PIGZ: variants seen among roughly 807,000 people sequenced by gnomAD.
PIGZ encodes phosphatidylinositol glycan anchor biosynthesis class Z (Gwada blood group), also known as GPI alpha-1,2-mannosyltransferase 4.
In PIGZ, 16 loss-of-function variants were observed where a neutral mutation model predicts 16.4. The observed-to-expected ratio is 0.97, with a 90% CI of 0.66 to 1.48. The LOEUF (loss-of-function observed/expected upper bound fraction) is 1.48. Ranked by LOEUF, PIGZ falls within the 40% of genes most tolerant of loss-of-function variation. The pLI is 0.00. For synonymous variants in PIGZ, 409 were observed against 338.4 expected (o/e 1.21, Z -2.29); for missense variants, 770 against 739.2 (o/e 1.04, Z -0.48).
At chr3:196,963,131 T>C (rs1457965978) in intron 1 of PIGZ, among the ~76,000 whole-genome samples, 1 of 152,224 alleles carries the variant, frequency 6.6e-6, no homozygotes, top group African/African-American at 2.4e-5. Context: ...CAGGTATCAC[T>C]ACGTCCTTAC....
rs140841401 is a variant in PIGZ, at chr3:196,951,912, A to G, written c.120T>C (p.Gly40=). 1.2e-5 allele frequency: 19 copies of G among 1,614,024 alleles called. No homozygotes were observed. The African/African-American group carries it at 2.5e-4, about 22-fold the overall frequency. ...LKMAVRVLWG[G]LSLLRVLWCL... is the part of the protein sequence containing the mutation. ...ACCACAGCACTCGGAGCAGGCTGAG[A>G]CCACCCCAAAGCACCCTGACTGCCA... The change falls in exon 2 of 3, where the codon GGT becomes GGC. Residue 40 remains glycine, a synonymous_variant. Coordinates refer to ENST00000412723, the MANE Select transcript of PIGZ (RefSeq NM_025163.4).
intron 1 of PIGZ, among the ~76,000 whole-genome samples, chr3:196,962,796 C>T (rs1717772773): frequency 6.6e-6 from 1 of 152,046 alleles, no homozygotes; most frequent in South Asian, 2.1e-4. Flanking sequence ...CACATGTTTT[C>T]CTGTTGACCC....
rs17855662 is a variant in PIGZ at position 196,947,436 on chromosome 3, C to A, written c.1461G>T (p.Met487Ile). The A allele has an allele frequency of 8.1e-6, 13 of 1,613,630 alleles. No individual in the cohort carries two copies. Among genetic ancestry groups the A allele is most frequent in the Non-Finnish European group, 1.1e-5 (13 of 1,180,028 alleles). The stretch of plus-strand genomic sequence containing the variant: ...ACAGGGCCCAGTCCTCAGTCCCCCC[C>A]ATGTCCACCACCTCCACTGGTGCCC... ...GLGAPVEVVD[M>I]GGTEDWALCQ... The change falls in exon 3 of 3, where the codon ATG (methionine) becomes ATT (isoleucine). Residue 487 changes from methionine (M) to isoleucine (I), a missense_variant. By Grantham distance (10) the Met-to-Ile change is conservative (BLOSUM62 1). Transcript: ENST00000412723.
chr3:196,956,792 A>C (rs1194331), intron 1 of PIGZ, among the ~76,000 whole-genome samples: 1 of 151,934 alleles, frequency 6.6e-6, no homozygotes, highest in Non-Finnish European at 1.5e-5. Context: ...CATTTCTACA[A>C]GTTGTTTGAT....
chr3:196,948,870 TCC>T (rs1717081295), intron 2 of PIGZ, among the ~76,000 whole-genome samples, 185 bp from the exon 3 acceptor site: 2 of 66,238 alleles, frequency 3.0e-5, no homozygotes, highest in African/African-American at 1.1e-4. Flanking sequence ...TTCCTTCCCT[TCC>T]TTCCTTCCCT....
Position 196,947,621 on chromosome 3 carries a change from G to C in PIGZ, c.1276C>G (p.Leu426Val), listed in dbSNP as rs1429021286. 5 of 1,613,290 alleles carry C rather than the reference G, an allele frequency of 3.1e-6. No homozygotes were observed. The highest frequency in any genetic ancestry group is 4.2e-6 in the Non-Finnish European group (5 of 1,179,552). ...VVLFNALGAL[L>V]FGCLHQGGLV... Reference sequence around the variant, plus strand: ...CCCCCCTGATGCAGGCAGCCGAAGAGGAGGGCACCGAGGGCGTTGAAGAGG... The same window carrying C: ...CCCCCCTGATGCAGGCAGCCGAAGACGAGGGCACCGAGGGCGTTGAAGAGG... Residue 426 changes from leucine (L) to valine (V), a missense_variant, in exon 3 of 3, where the codon CTC becomes GTC. Transcript: ENST00000412723.
chr3:196,948,345 G>C lies in PIGZ; in HGVS notation c.552C>G (p.Leu184=), dbSNP rs1412892443. The change falls in exon 3 of 3, where the codon CTC becomes CTG. Residue 184 remains leucine, a synonymous_variant. Transcript: ENST00000412723. ...RTFSNTIEGL[L]FTWLLVLVSS... Reference sequence around the variant, plus strand: ...ATACCAGCACCAGCAGCCACGTGAAGAGGAGTCCCTCAATGGTGTTGGAGA... The same window carrying C: ...ATACCAGCACCAGCAGCCACGTGAACAGGAGTCCCTCAATGGTGTTGGAGA... 1 of 1,614,240 alleles carries C rather than the reference G, an allele frequency of 6.2e-7. No individual in the cohort carries two copies. Among genetic ancestry groups the C allele is most frequent in the East Asian group, 2.2e-5 (1 of 44,886 alleles).
chr3:196,951,553 G>A, intron 2 of PIGZ: 1 of 520,120 alleles, frequency 1.9e-6, no homozygotes, highest in Non-Finnish European at 3.5e-6. Context: ...CTCTCATTCT[G>A]AATGACCTGT....
At chr3:196,959,109 A>G (rs1265635710) in intron 1 of PIGZ, among the ~76,000 whole-genome samples, 2 of 152,234 alleles carry the variant, frequency 1.3e-5, no homozygotes, top group Non-Finnish European at 2.9e-5. Flanking sequence ...GCAAGTTGGC[A>G]TCATGACTTC....
intron 2 of PIGZ, 36 bp downstream of exon 2, chr3:196,951,785 C>G (rs564005705): frequency 1.5e-5 from 24 of 1,606,744 alleles, no homozygotes; most frequent in Middle Eastern, 1.7e-4. Context: ...GCAGACTCTG[C>G]TGCAGCTTGT....
Position 196,947,347 on chromosome 3 carries a change from CAGAGCCATGGCCCACCAGCCA to C in PIGZ, c.1529_1549del (p.Val510_Cys517delinsGly). On this transcript the variant is annotated inframe_deletion, in exon 3 of 3. Coordinates refer to ENST00000412723, the MANE Select transcript of PIGZ (RefSeq NM_025163.4). ...GCCAGGGGTTACCACAAAGAGGCGG[CAGAGCCATGGCCCACCAGCCA>C]CTTGGCAGGCTGGTTGTCTGGTGAA... is the stretch of plus-strand genomic sequence containing the variant. 1 of 1,614,204 alleles carries C rather than the reference CAGAGCCATGGCCCACCAGCCA, an allele frequency of 6.2e-7. No homozygotes were observed.
rs143587259 is a variant in PIGZ, at chr3:196,952,087, G to T, written c.1-56C>A. ...GATGTAAATTATAATATATTCAACT[G>T]TCTGAACAAACTGAAAATGGATCTG... On this transcript the variant is annotated intron_variant, in intron 1 of 2. Transcript: ENST00000412723. 1,087 of 1,468,996 alleles carry T rather than the reference G, an allele frequency of 7.4e-4. 7 individuals carry two copies. The African/African-American group carries it at 0.014, about 18-fold the overall frequency. The allele number at this position is 1,468,996 out of a possible 1,614,324, so 91.0% of individuals were successfully genotyped here. A position where few individuals can be genotyped will look rare whatever the true frequency, so the allele number is the denominator to read the frequency against.
intron 2 of PIGZ, among the ~76,000 whole-genome samples, chr3:196,950,306 A>G (rs1367487259): frequency 6.6e-6 from 1 of 152,186 alleles, no homozygotes; most frequent in Non-Finnish European, 1.5e-5. Flanking sequence ...AATTTTTTGT[A>G]AGAAGAATAT....
At chr3:196,950,310 A>G (rs907345043) in intron 2 of PIGZ, among the ~76,000 whole-genome samples, 10 of 152,340 alleles carry the variant, frequency 6.6e-5, no homozygotes, top group African/African-American at 2.4e-4. Context: ...TTTTGTAAGA[A>G]GAATATATCC....
At chr3:196,952,983 G>A (rs1560184549) in intron 1 of PIGZ, among the ~76,000 whole-genome samples, 3 of 152,210 alleles carry the variant, frequency 2.0e-5, no homozygotes, top group East Asian at 1.9e-4. Flanking sequence ...TCAGGCCGTC[G>A]GACTAGGACT....
Position 196,948,534 on chromosome 3 carries a change from G to A in PIGZ, c.363C>T (p.Ser121=), listed in dbSNP as rs764204473. The A allele has an allele frequency of 2.0e-5, 32 of 1,609,000 alleles. No homozygotes were observed. The highest frequency in any genetic ancestry group is 1.1e-4 in the East Asian group (5 of 44,730). The change falls in exon 3 of 3, where the codon AGC becomes AGT. Residue 121 remains serine (S), a synonymous_variant. Transcript: ENST00000412723. Reference sequence around the variant, plus strand: ...GAGGCCCCACCAGCAGCGCATAGCCGCTCACCAGGCCAGGCCACGGCCCCA... The same window carrying A: ...GAGGCCCCACCAGCAGCGCATAGCCACTCACCAGGCCAGGCCACGGCCCCA... ...EELGPWPGLV[S]GYALLVGPRL... is the part of the protein sequence containing the mutation.
At chr3:196,952,360 C>T (rs1370628747) in intron 1 of PIGZ, among the ~76,000 whole-genome samples, 4 of 152,276 alleles carry the variant, frequency 2.6e-5, no homozygotes, top group African/African-American at 9.6e-5. Context: ...AAGAGATACC[C>T]AGATAGCTGG....
At chr3:196,951,152 A>C (rs1206561786) in intron 2 of PIGZ, among the ~76,000 whole-genome samples, 1 of 152,230 alleles carries the variant, frequency 6.6e-6, no homozygotes, top group Admixed American at 6.5e-5. Flanking sequence ...GTGTGATAGA[A>C]ATGAGCAAAA....
chr3:196,959,785 C>T (rs1006514125), intron 1 of PIGZ, among the ~76,000 whole-genome samples: 1 of 152,242 alleles, frequency 6.6e-6, no homozygotes, highest in Non-Finnish European at 1.5e-5. Flanking sequence ...GCCCCCCACA[C>T]TGCCTGCCAT....
Sources: gnomAD v4.1 joint callset for allele counts (sites outside exome capture counted in the v4.1 genomes callset) on GRCh38, gnomAD v4.1.1 for gene constraint, MANE v1.5 for transcripts, NCBI Gene and HGNC (gene_info 2026-07-23, HGNC 2026-07-21) for gene names.